PDE1C: variants seen among roughly 807,000 people sequenced by gnomAD.
PDE1C encodes the protein phosphodiesterase 1C.
A neutral mutation model predicts 93.1 loss-of-function variants in PDE1C; 62 were observed. That is an observed-to-expected ratio of 0.67 (90% CI 0.54 to 0.82). The LOEUF is 0.82. Ranked by LOEUF, PDE1C falls within the 40% of genes least tolerant of loss-of-function variation. The probability of loss-of-function intolerance (pLI) is 0.00; values close to 1 mark genes in which losing one functional copy is unlikely to be tolerated. For synonymous variants in PDE1C, 325 were observed against 310.1 expected (o/e 1.05, Z -0.50); for missense variants, 742 against 884.6 (o/e 0.84, Z 2.04).
At position 31,878,661 on chromosome 7, in the gene PDE1C, T is replaced by G. The variant is rs148845164; in HGVS notation, c.425+335A>C. Among the ~76,000 whole-genome samples, 297 of 152,216 alleles carry G rather than the reference T, an allele frequency of 2.0e-3. 2 individuals carry two copies. The highest frequency in any genetic ancestry group is 6.7e-3 in the African/African-American group (277 of 41,536). On this transcript the variant is annotated intron_variant, in intron 4 of 17. Coordinates refer to ENST00000396191, the MANE Select transcript of PDE1C (RefSeq NM_001191057.4). ...TCCCTGGGCCAGCAACCTCAAAGCA[T>G]CCCAGATCTGTTTCAAATGGAGACA... is the stretch of plus-strand genomic sequence containing the variant.
chr7:32,208,801 T>C (rs940086388), intron 2 of PDE1C, among the ~76,000 whole-genome samples: 6 of 152,090 alleles, frequency 3.9e-5, no homozygotes, highest in African/African-American at 1.4e-4. Context: ...ACAGAAACCA[T>C]TGAGAGGCTT....
At chr7:32,016,759 T>G (rs998726094) in intron 2 of PDE1C, among the ~76,000 whole-genome samples, 6 of 152,182 alleles carry the variant, frequency 3.9e-5, no homozygotes, top group African/African-American at 1.4e-4. Flanking sequence ...AGAATGTATA[T>G]GTAGTCTAAT....
At chr7:31,634,941 T>C in the PDE1C span, among the ~76,000 whole-genome samples, 1 of 152,110 alleles carries the variant, frequency 6.6e-6, no homozygotes, top group African/African-American at 2.4e-5. Context: ...TCCCCTAGTC[T>C]TGGCTTAGCT....
At chr7:32,289,494 A>T (rs1256857537) in intron 1 of PDE1C, among the ~76,000 whole-genome samples, 2 of 152,234 alleles carry the variant, frequency 1.3e-5, no homozygotes, top group Admixed American at 6.5e-5. Flanking sequence ...TGTTTTGTCC[A>T]AAGATAAAGA....
chr7:31,986,065 A>C (rs1355119991), intron 2 of PDE1C, among the ~76,000 whole-genome samples: 1 of 152,176 alleles, frequency 6.6e-6, no homozygotes, highest in Non-Finnish European at 1.5e-5. Context: ...TTTTCTCAGG[A>C]CTGCCATAAC....
At chr7:32,308,751 G>A (rs181941490) in intron 1 of PDE1C, among the ~76,000 whole-genome samples, 478 of 152,278 alleles carry the variant, frequency 3.1e-3, no homozygotes, top group Middle Eastern at 0.01. Context: ...CCTTCTGTAC[G>A]TCACCATCAT....
intron 1 of PDE1C, among the ~76,000 whole-genome samples, chr7:32,230,716 C>T (rs1444093655): frequency 1.3e-5 from 2 of 152,100 alleles, no homozygotes; most frequent in African/African-American, 4.8e-5. Flanking sequence ...GATACAGACC[C>T]TATCTACAGC....
At chr7:32,374,279 G>GAAAGAAAGAAAGA (rs1784393256) in intron 1 of PDE1C, among the ~76,000 whole-genome samples, 1 of 147,976 alleles carries the variant, frequency 6.8e-6, no homozygotes, top group Admixed American at 6.7e-5. Flanking sequence ...AAGAAAGAAA[G>GAAAGAAAGAAAGA]AAAGAAAGAA....
At chr7:32,230,904 T>C (rs1435229286) in intron 1 of PDE1C, among the ~76,000 whole-genome samples, 1 of 121,940 alleles carries the variant, frequency 8.2e-6, no homozygotes, top group Non-Finnish European at 1.8e-5. Context: ...TGTGCAACTA[T>C]CTTTTCTTCT....
At chr7:31,973,248 T>C (rs891279243) in intron 2 of PDE1C, among the ~76,000 whole-genome samples, 9 of 152,128 alleles carry the variant, frequency 5.9e-5, no homozygotes, top group Non-Finnish European at 1.2e-4. Context: ...AGTCATATCA[T>C]TGGAATCTTA....
the PDE1C span, among the ~76,000 whole-genome samples, chr7:31,635,656 T>C: frequency 1.3e-5 from 2 of 152,190 alleles, no homozygotes; most frequent in Non-Finnish European, 2.9e-5. Context: ...ACCAGTGTAT[T>C]AGGCCGTTCT....
chr7:31,642,984 C>G, the PDE1C span: 1 of 1,614,030 alleles, frequency 6.2e-7, no homozygotes, highest in African/African-American at 1.3e-5. Context: ...GGAAAGACAG[C>G]CATCTGTGGC....
intron 1 of PDE1C, among the ~76,000 whole-genome samples, chr7:32,243,892 C>A (rs1029776006): frequency 1.3e-5 from 2 of 152,208 alleles, no homozygotes; most frequent in Admixed American, 1.3e-4. Flanking sequence ...AGTTTCTGAA[C>A]TGGCTGTAGA....
chr7:31,962,788 T>C (rs1367955119), intron 2 of PDE1C, among the ~76,000 whole-genome samples: 1 of 152,190 alleles, frequency 6.6e-6, no homozygotes, highest in Admixed American at 6.5e-5. Flanking sequence ...GTTTGACATC[T>C]AAGGCCCCTC....
chr7:31,809,231 G>A, intron 15 of PDE1C, 123 bp from the exon 16 acceptor site: 2 of 580,250 alleles, frequency 3.4e-6, no homozygotes, highest in South Asian at 4.5e-5. Flanking sequence ...GAGTGTATGT[G>A]TCTGAGTGTA....
chr7:32,088,151 A>G (rs1797234400), intron 3 of PDE1C, among the ~76,000 whole-genome samples: 1 of 152,174 alleles, frequency 6.6e-6, no homozygotes, highest in African/African-American at 2.4e-5. Context: ...CTCGCACTGG[A>G]AACCACTACT....
chr7:32,011,344 C>G (rs762125755), intron 2 of PDE1C, among the ~76,000 whole-genome samples: 14 of 152,056 alleles, frequency 9.2e-5, no homozygotes, highest in Non-Finnish European at 1.9e-4. Flanking sequence ...AGGTGCCCAC[C>G]ACTATGCCTG....
chr7:32,189,187 A>C (rs998086199), intron 2 of PDE1C, among the ~76,000 whole-genome samples: 1 of 152,188 alleles, frequency 6.6e-6, no homozygotes, highest in Non-Finnish European at 1.5e-5. Context: ...AAAAAGAATG[A>C]ATCTGTTCAG....
chr7:32,009,357 G>GA (rs1786751625), intron 2 of PDE1C, among the ~76,000 whole-genome samples: 1 of 151,980 alleles, frequency 6.6e-6, no homozygotes, highest in South Asian at 2.1e-4. Flanking sequence ...GCATACCAGA[G>GA]AAAAAAAGAG....
Sources: allele counts gnomAD v4.1 joint callset (sites outside exome capture counted in the v4.1 genomes callset), GRCh38; gene constraint gnomAD v4.1.1; transcripts MANE v1.5; gene names NCBI Gene and HGNC (gene_info 2026-07-23, HGNC 2026-07-21).